The following HERC2 variants were observed in gnomAD, a reference collection of about 807,000 sequenced individuals.
HERC2 encodes HECT and RLD domain containing E3 ubiquitin protein ligase 2, also known as E3 ubiquitin-protein ligase HERC2.
In HERC2, 102 loss-of-function variants were observed where a neutral mutation model predicts 537.7. The ratio of observed to expected loss-of-function variants is 0.19; its 90% CI spans 0.16 to 0.22. The LOEUF (loss-of-function observed/expected upper bound fraction) is 0.22. Among genes scored for constraint, HERC2 ranks in the 10% least tolerant of loss-of-function variants. The pLI is 1.00. For missense variants in HERC2, 4,236 were observed against 6,198.2 expected, an observed-to-expected ratio of 0.68 and a Z score of 10.63; for synonymous variants, 2,224 against 2,466.2, an observed-to-expected ratio of 0.90 and a Z score of 2.91.
intron 59 of HERC2, among the ~76,000 whole-genome samples, chr15:28,178,126 C>T (rs907145444): frequency 5.9e-5 from 9 of 151,946 alleles, no homozygotes; most frequent in Non-Finnish European, 1.3e-4. Flanking sequence ...TCCTTACCAA[C>T]AGAACCCCCA....
chr15:28,250,389 G>T (rs563209749), intron 20 of HERC2, among the ~76,000 whole-genome samples: 1 of 152,160 alleles, frequency 6.6e-6, no homozygotes, highest in East Asian at 1.9e-4. Context: ...ACAAGAAACA[G>T]GTCTAGAATC....
At chr15:28,241,040 T>C (rs1340456412) in intron 23 of HERC2, among the ~76,000 whole-genome samples, 3 of 151,906 alleles carry the variant, frequency 2.0e-5, no homozygotes, top group Non-Finnish European at 2.9e-5. Flanking sequence ...AGGAAAAAAA[T>C]AGGTAAGTTG....
chr15:28,197,742 A>G (rs1249539938), intron 50 of HERC2, among the ~76,000 whole-genome samples: 2 of 152,142 alleles, frequency 1.3e-5, no homozygotes, highest in Non-Finnish European at 2.9e-5. Context: ...GGGAGGAGAA[A>G]GAAAAAGCAG....
chr15:28,113,034 A>G lies in HERC2; in HGVS notation c.14232+37T>C, dbSNP rs2142031918. On this transcript the variant is annotated intron_variant, in intron 92 of 92. Transcript: ENST00000261609. The surrounding 1 kb of genome is among the most constrained non-coding windows in gnomAD (Gnocchi z 7.0). ...AGCCAGCCACCCACCGTCGGCCGACATCAGCCCAGGGCCGGCAAGCCCAGC... is the reference window on the plus strand; with the variant it reads ...AGCCAGCCACCCACCGTCGGCCGACGTCAGCCCAGGGCCGGCAAGCCCAGC... 8.2e-6 allele frequency: 13 copies of G among 1,586,192 alleles called. No individual in the cohort carries two copies. Among genetic ancestry groups the G allele is most frequent in the African/African-American group, 6.7e-5 (5 of 74,416 alleles).
rs1896907194 is a variant in HERC2, at chr15:28,192,102, G to A, written c.8310C>T (p.Cys2770=). ...CGRSGKQLKR[C]HSSQPGMLLD... is the part of the protein sequence containing the mutation. ...GCAGCATGCCTGGCTGGCTGCTGTG[G>A]CAACGCTTCAGCTGTTTTCCAGAAC... Residue 2770 remains cysteine, a synonymous_variant, in exon 53 of 93, where the codon TGC becomes TGT. Coordinates refer to ENST00000261609, the MANE Select transcript of HERC2 (RefSeq NM_004667.6). 6.2e-7 allele frequency: 1 copy of A among 1,612,846 alleles called. No individual in the cohort carries two copies. The highest frequency in any genetic ancestry group is 8.5e-7 in the Non-Finnish European group (1 of 1,179,172).
chr15:28,219,264 G>A (rs1434706386), intron 37 of HERC2, among the ~76,000 whole-genome samples: 1 of 152,238 alleles, frequency 6.6e-6, no homozygotes, highest in African/African-American at 2.4e-5. Flanking sequence ...CATGCAGCCC[G>A]CTTGGCTGGC....
intron 70 of HERC2, among the ~76,000 whole-genome samples, chr15:28,150,288 T>C (rs1300377420): frequency 7.8e-5 from 10 of 128,242 alleles, no homozygotes; most frequent in South Asian, 2.5e-4. Context: ...AGAACATCAC[T>C]GAGGACGGCC....
chr15:28,117,885 G>A (rs559734022), intron 86 of HERC2: 7 of 299,828 alleles, frequency 2.3e-5, no homozygotes, highest in African/African-American at 6.5e-5. Flanking sequence ...GCAGGTGGCC[G>A]AGGCTGTGCA....
chr15:28,121,266 C>A, intron 86 of HERC2, 80 bp downstream of exon 86: 1 of 1,255,084 alleles, frequency 8.0e-7, no homozygotes, highest in Non-Finnish European at 1.2e-6. Context: ...AGGCTACCAG[C>A]GCTCTCGTCC....
intron 85 of HERC2, 109 bp downstream of exon 85, chr15:28,123,928 G>A: frequency 1.2e-6 from 1 of 855,658 alleles, no homozygotes; most frequent in Non-Finnish European, 1.7e-6. Flanking sequence ...GTGAACATTT[G>A]CTGAATGAGC....
intron 48 of HERC2, 107 bp from the exon 49 acceptor site, chr15:28,198,876 G>T: frequency 9.3e-7 from 1 of 1,072,358 alleles, no homozygotes; most frequent in Non-Finnish European, 1.4e-6. Flanking sequence ...GACTGGGCAT[G>T]GTGGCTCACG....
intron 83 of HERC2, among the ~76,000 whole-genome samples, chr15:28,126,071 T>C (rs1414980496): frequency 6.6e-6 from 1 of 152,184 alleles, no homozygotes. Context: ...ATCTATGTTT[T>C]TAAAATCAAA....
intron 35 of HERC2, among the ~76,000 whole-genome samples, chr15:28,223,329 G>T (rs1900729515): frequency 2.0e-5 from 3 of 152,178 alleles, no homozygotes; most frequent in African/African-American, 7.2e-5. Context: ...TTCTCCTCCA[G>T]GTGGGCGGGA....
At chr15:28,167,853 A>G in intron 67 of HERC2, 26 bp from the exon 68 acceptor site, 1 of 1,579,454 alleles carries the variant, frequency 6.3e-7, no homozygotes, top group Non-Finnish European at 8.6e-7. Flanking sequence ...ACAGTAGGGG[A>G]AGTTTAAGTG....
At chr15:28,259,675 C>T (rs1270218955) in intron 16 of HERC2, among the ~76,000 whole-genome samples, 4 of 151,848 alleles carry the variant, frequency 2.6e-5, no homozygotes, top group African/African-American at 9.7e-5. Context: ...CAGAATAGGG[C>T]CAGGCACAGT....
chr15:28,249,302 G>A (rs752828767), intron 20 of HERC2, among the ~76,000 whole-genome samples: 1 of 152,196 alleles, frequency 6.6e-6, no homozygotes, highest in African/African-American at 2.4e-5. Flanking sequence ...GGTGCCGAGG[G>A]CTCAGGGAGT....
intron 69 of HERC2, 35 bp downstream of exon 69, chr15:28,163,059 T>A: frequency 6.4e-7 from 1 of 1,556,214 alleles, no homozygotes; most frequent in Non-Finnish European, 8.7e-7. Flanking sequence ...ATGGAGGAGG[T>A]GGAATCAGAC....
intron 65 of HERC2, among the ~76,000 whole-genome samples, chr15:28,171,614 G>A (rs529318307): frequency 6.6e-6 from 1 of 151,746 alleles, no homozygotes; most frequent in African/African-American, 2.4e-5. Flanking sequence ...CAAAATATTT[G>A]TATGACAAGA....
Position 28,213,840 on chromosome 15 carries a change from C to T in HERC2, c.6688G>A (p.Glu2230Lys). 1 of 1,614,016 alleles carries T rather than the reference C, an allele frequency of 6.2e-7. No homozygotes were observed. Residue 2230 changes from glutamate (E) to lysine (K), a missense_variant, in exon 42 of 93, where the codon GAA becomes AAA. By Grantham distance (56) the Glu-to-Lys change is moderately conservative (BLOSUM62 1). This residue lies in a region of HERC2 where 365 missense variants were observed against 468.8 expected (regional missense o/e 0.78). Coordinates refer to ENST00000261609, the MANE Select transcript of HERC2 (RefSeq NM_004667.6). ...GGGGTGATGCGAGTCACAGTGCCTT[C>T]TCCAAACTCATCGTGCATAACTTGA... ...GGQVMHDEFGEGTVTRITPKG... is the reference protein window; with the variant it reads ...GGQVMHDEFGKGTVTRITPKG...
Sources: allele counts gnomAD v4.1 joint callset (sites outside exome capture counted in the v4.1 genomes callset), GRCh38; gene constraint gnomAD v4.1.1; regional missense constraint gnomAD v4.1.1; non-coding constraint Gnocchi (gnomAD v3.1); transcripts MANE v1.5; gene names NCBI Gene and HGNC (gene_info 2026-07-23, HGNC 2026-07-21).